UEVLD: variants seen among roughly 807,000 people sequenced by gnomAD.
UEVLD encodes UEV and lactate/malate dehyrogenase domains.
Under a neutral mutation model 58.6 loss-of-function variants are expected in UEVLD, and 47 were observed. The observed-to-expected ratio is 0.80, with a 90% CI of 0.63 to 1.02. The LOEUF is 1.02. UEVLD is among the 50% of genes least tolerant of loss of function. UEVLD has a pLI of 0.00. For missense variants in UEVLD, 510 were observed against 550.6 expected, an observed-to-expected ratio of 0.93 and a Z score of 0.74; for synonymous variants, 197 against 195.3, an observed-to-expected ratio of 1.01 and a Z score of -0.07.
intron 4 of UEVLD, among the ~76,000 whole-genome samples, chr11:18,568,067 C>T (rs745742317): frequency 6.6e-6 from 1 of 152,082 alleles, no homozygotes; most frequent in Non-Finnish European, 1.5e-5. Context: ...CTCACTTGAG[C>T]CCAGGAATTT....
chr11:18,573,917 A>G (rs1184263126), intron 3 of UEVLD, among the ~76,000 whole-genome samples: 2 of 152,126 alleles, frequency 1.3e-5, no homozygotes, highest in African/African-American at 4.8e-5. Flanking sequence ...TAAGAGATCA[A>G]AGTTACGCTG....
At chr11:18,563,755 A>G in intron 6 of UEVLD, 1 of 962,342 alleles carries the variant, frequency 1.0e-6, no homozygotes, top group Non-Finnish European at 1.2e-6. Flanking sequence ...TTGTAATCCC[A>G]GCACTTTGGG....
intron 6 of UEVLD, among the ~76,000 whole-genome samples, chr11:18,559,365 T>C (rs1228209097): frequency 2.0e-5 from 3 of 151,886 alleles, no homozygotes; most frequent in African/African-American, 7.3e-5. Context: ...CACCTGGCTA[T>C]TTTTTATATT....
At chr11:18,546,809 G>T in intron 8 of UEVLD, 71 bp downstream of exon 8, 1 of 1,558,070 alleles carries the variant, frequency 6.4e-7, no homozygotes, top group Non-Finnish European at 8.7e-7. Context: ...AAAGTTTTAT[G>T]GTTTTTATCA....
In UEVLD at chr11:18,547,050, T is replaced by C; in HGVS notation, c.716A>G (p.Asp239Gly). ...CTTGGAATGAGCAGAGGCAGACAAATCTAGTGAATGAAAAGAAACAGTCTG... is the reference window on the plus strand; with the variant it reads ...CTTGGAATGAGCAGAGGCAGACAAACCTAGTGAATGAAAAGAAACAGTCTG... ...FNLPNVEISK[D>G]LSASAHSKVV... is the part of the protein sequence containing the mutation. Residue 239 changes from aspartate (D) to glycine (G), a missense_variant and splice_region_variant, in exon 8 of 12, where the codon GAT becomes GGT. Coordinates refer to ENST00000396197, the MANE Select transcript of UEVLD (RefSeq NM_001040697.4). 6.2e-7 allele frequency: 1 copy of C among 1,608,476 alleles called. No homozygotes were observed. The highest frequency in any genetic ancestry group is 1.7e-4 in the Middle Eastern group (1 of 6,028).
chr11:18,544,598 C>A, intron 9 of UEVLD, 25 bp downstream of exon 9: 2 of 1,577,756 alleles, frequency 1.3e-6, no homozygotes, highest in African/African-American at 2.8e-5. Context: ...AGCCACCACA[C>A]CCAGCCTAAA....
At position 18,547,004 on chromosome 11, in the gene UEVLD, G is replaced by A; in HGVS notation, c.762C>T (p.Asn254=). 2.5e-6 allele frequency: 4 copies of A among 1,614,074 alleles called. No homozygotes were observed. Among genetic ancestry groups the A allele is most frequent in the Non-Finnish European group, 3.4e-6 (4 of 1,180,028 alleles). ...GGTACGACTGAGAACTACCCAAAGAGTTGACTGTGAAGATCACCACCTTGG... is the reference window on the plus strand; with the variant it reads ...GGTACGACTGAGAACTACCCAAAGAATTGACTGTGAAGATCACCACCTTGG... The part of the protein sequence containing the change: ...AHSKVVIFTV[N]SLGSSQSYLD... Residue 254 remains asparagine (N), a synonymous_variant, in exon 8 of 12, where the codon AAC becomes AAT. Coordinates refer to ENST00000396197, the MANE Select transcript of UEVLD (RefSeq NM_001040697.4).
At chr11:18,533,090 T>C (rs1374588250) in intron 11 of UEVLD, among the ~76,000 whole-genome samples, 1 of 150,406 alleles carries the variant, frequency 6.6e-6, no homozygotes, top group Non-Finnish European at 1.5e-5. Context: ...ATGAGGTCTC[T>C]CTATATTGCC....
chr11:18,552,949 A>C (rs1163778362), intron 7 of UEVLD, among the ~76,000 whole-genome samples: 4 of 151,724 alleles, frequency 2.6e-5, no homozygotes, highest in Non-Finnish European at 5.9e-5. Context: ...AGGTCAGCAG[A>C]TCGAGACCAT....
At chr11:18,537,095 T>C (rs72876745) in intron 9 of UEVLD, among the ~76,000 whole-genome samples, 24,128 of 150,808 alleles carry the variant, frequency 0.16, 2,533 homozygotes, top group East Asian at 0.41. Flanking sequence ...AGAGACAGGG[T>C]TCACCATGTT....
chr11:18,534,577 G>C, intron 10 of UEVLD, 124 bp from the exon 11 acceptor site: 3 of 999,938 alleles, frequency 3.0e-6, no homozygotes, highest in Non-Finnish European at 4.2e-6. Flanking sequence ...GCAATTGTTA[G>C]GGAAGCCTAT....
rs879224422 is a variant in UEVLD, at chr11:18,531,511, G to A, written c.*809C>T. On this transcript the variant is annotated 3_prime_UTR_variant, in exon 12 of 12. Coordinates refer to ENST00000396197, the MANE Select transcript of UEVLD (RefSeq NM_001040697.4). ...AAAACCTCTCCCTATTATGACCAATGTTTTTAATGAAAATCTCATATTTTG... is the reference window on the plus strand; with the variant it reads ...AAAACCTCTCCCTATTATGACCAATATTTTTAATGAAAATCTCATATTTTG... 1.3e-5 allele frequency: 2 copies of A among 152,240 alleles called. No homozygotes were observed. Among genetic ancestry groups the A allele is most frequent in the East Asian group, 3.9e-4 (2 of 5,192 alleles). The allele number at this position is 152,240 out of a possible 1,614,324, so 9.4% of individuals were successfully genotyped here. A position where few individuals can be genotyped will look rare whatever the true frequency, so the allele number is the denominator to read the frequency against.
intron 1 of UEVLD, among the ~76,000 whole-genome samples, chr11:18,582,356 G>A (rs913856674): frequency 1.3e-4 from 1 of 7,588 alleles, no homozygotes; most frequent in South Asian, 4.0e-3. Flanking sequence ...CCCCACTCCC[G>A]GCCCGAGCCA....
intron 7 of UEVLD, among the ~76,000 whole-genome samples, chr11:18,553,248 C>T (rs943973406): frequency 6.6e-5 from 10 of 150,730 alleles, no homozygotes; most frequent in Admixed American, 2.0e-4. Flanking sequence ...ATAGCCTGAA[C>T]CCAGGAAGCG....
chr11:18,547,083 G>C, intron 7 of UEVLD, 33 bp from the exon 8 acceptor site: 1 of 1,587,806 alleles, frequency 6.3e-7, no homozygotes, highest in South Asian at 1.2e-5. Flanking sequence ...CTGAGCTGAA[G>C]ATACAGGCTT....
intron 6 of UEVLD, 35 bp downstream of exon 6, chr11:18,564,857 T>A (rs370349589): frequency 6.8e-7 from 1 of 1,481,468 alleles, no homozygotes; most frequent in Non-Finnish European, 9.4e-7. Context: ...TGTGGCACTA[T>A]GATAGATGTA....
chr11:18,533,083 A>T (rs1245838257), intron 11 of UEVLD, among the ~76,000 whole-genome samples: 1 of 138,134 alleles, frequency 7.2e-6, no homozygotes. Context: ...TTTTGAGATG[A>T]GGTCTCTCTA....
At chr11:18,579,732 C>T (rs1359118610) in intron 1 of UEVLD, among the ~76,000 whole-genome samples, 1 of 152,084 alleles carries the variant, frequency 6.6e-6, no homozygotes, top group Non-Finnish European at 1.5e-5. Flanking sequence ...ATAATACTTA[C>T]CTCTTACACT....
intron 4 of UEVLD, 163 bp downstream of exon 4, chr11:18,570,051 T>C (rs749933368): frequency 2.5e-4 from 183 of 719,426 alleles, no homozygotes; most frequent in Non-Finnish European, 3.5e-4. Context: ...GTTCTGGGAC[T>C]TGGGTAACCC....
Sources: gnomAD v4.1 joint callset for allele counts (sites outside exome capture counted in the v4.1 genomes callset) on GRCh38, gnomAD v4.1.1 for gene constraint, MANE v1.5 for transcripts, NCBI Gene and HGNC (gene_info 2026-07-23, HGNC 2026-07-21) for gene names.